The following SCFD2 variants were observed in gnomAD, a reference collection of about 807,000 sequenced individuals.
The protein encoded by SCFD2 is sec1 family domain-containing protein 2.
SCFD2 carries 54 observed loss-of-function variants against 58.9 expected under a neutral mutation model. That is an observed-to-expected ratio of 0.92 (90% CI 0.74 to 1.15). SCFD2 has a LOEUF of 1.15. Among genes scored for constraint, SCFD2 ranks in the 50% most tolerant of loss-of-function variants. SCFD2 has a pLI of 0.00. For missense variants in SCFD2, 805 were observed against 836.6 expected (o/e 0.96, Z 0.47); for synonymous variants, 321 against 335.9 (o/e 0.96, Z 0.49).
At chr4:53,262,773 G>A (rs1730866367) in intron 4 of SCFD2, among the ~76,000 whole-genome samples, 1 of 152,142 alleles carries the variant, frequency 6.6e-6, no homozygotes, top group Non-Finnish European at 1.5e-5. Flanking sequence ...TGTTCTTTGA[G>A]CTTCTGGTAT....
chr4:53,146,533 C>T (rs1455557390), intron 4 of SCFD2, among the ~76,000 whole-genome samples: 1 of 152,152 alleles, frequency 6.6e-6, no homozygotes, highest in Non-Finnish European at 1.5e-5. Flanking sequence ...TCATTGAGCA[C>T]CTACTATGTT....
chr4:53,304,157 T>C (rs996950451), intron 3 of SCFD2, among the ~76,000 whole-genome samples: 2 of 151,934 alleles, frequency 1.3e-5, no homozygotes, highest in East Asian at 3.9e-4. Flanking sequence ...TATTGGCCCC[T>C]ACTCTCTTCT....
chr4:53,262,945 T>C (rs1287984179), intron 4 of SCFD2, among the ~76,000 whole-genome samples: 6 of 152,168 alleles, frequency 3.9e-5, no homozygotes, highest in Admixed American at 6.5e-5. Context: ...TTTGTTCATT[T>C]TTTAAAATTA....
intron 5 of SCFD2, among the ~76,000 whole-genome samples, chr4:52,961,437 C>T (rs1422676422): frequency 6.6e-6 from 1 of 152,206 alleles, no homozygotes; most frequent in Non-Finnish European, 1.5e-5. Flanking sequence ...AGACCTATCC[C>T]TGGCCTTTTA....
At chr4:53,109,616 A>T (rs1363845561) in intron 5 of SCFD2, among the ~76,000 whole-genome samples, 1 of 152,206 alleles carries the variant, frequency 6.6e-6, no homozygotes, top group East Asian at 1.9e-4. Flanking sequence ...ACTCCCATTC[A>T]CAATTGCTAC....
intron 2 of SCFD2, among the ~76,000 whole-genome samples, chr4:53,321,408 C>T (rs1488312922): frequency 6.6e-6 from 1 of 151,924 alleles, no homozygotes; most frequent in Non-Finnish European, 1.5e-5. Context: ...ATACTTCAAT[C>T]AAGTAGAAGG....
chr4:52,958,608 A>G (rs925526766), intron 5 of SCFD2, among the ~76,000 whole-genome samples: 3 of 152,020 alleles, frequency 2.0e-5, no homozygotes, highest in African/African-American at 4.8e-5. Context: ...CACAGCCACC[A>G]TAGGCACAAG....
intron 2 of SCFD2, among the ~76,000 whole-genome samples, chr4:53,316,728 A>G (rs1732875738): frequency 6.6e-6 from 1 of 152,170 alleles, no homozygotes; most frequent in African/African-American, 2.4e-5. Flanking sequence ...TGTCTATTAA[A>G]ATATTTTAGA....
intron 5 of SCFD2, among the ~76,000 whole-genome samples, chr4:53,028,429 C>A (rs1189670588): frequency 1.3e-5 from 2 of 152,042 alleles, no homozygotes; most frequent in African/African-American, 4.8e-5. Flanking sequence ...TAGGCTAATT[C>A]TTTGTGAATC....
At chr4:53,130,707 T>C (rs1473678056) in intron 5 of SCFD2, among the ~76,000 whole-genome samples, 1 of 152,140 alleles carries the variant, frequency 6.6e-6, no homozygotes, top group Non-Finnish European at 1.5e-5. Context: ...CTACAACCTC[T>C]GGAAGAAAAA....
intron 5 of SCFD2, among the ~76,000 whole-genome samples, chr4:53,037,315 A>G (rs1722789208): frequency 6.6e-6 from 1 of 152,168 alleles, no homozygotes; most frequent in Admixed American, 6.6e-5. Context: ...TAGGAATTAT[A>G]TAGGAAAAAT....
At chr4:53,037,264 A>G (rs1156403224) in intron 5 of SCFD2, among the ~76,000 whole-genome samples, 1 of 152,164 alleles carries the variant, frequency 6.6e-6, no homozygotes, top group Non-Finnish European at 1.5e-5. Flanking sequence ...AAGTTTAGGC[A>G]TATGGTGATT....
In SCFD2 at chr4:52,986,490, A is replaced by ATT. The variant is rs1721496907; in HGVS notation, c.1562-65621_1562-65620insAA. On this transcript the variant is annotated intron_variant, in intron 5 of 8. Coordinates refer to ENST00000401642, the MANE Select transcript of SCFD2 (RefSeq NM_152540.4). Reference sequence around the variant, plus strand: ...CATCTCAAGCTTAGGATCTTCATGAAATTTTTTTTTTTTTTTTTTTTTTTT... The same window carrying ATT: ...CATCTCAAGCTTAGGATCTTCATGAATTATTTTTTTTTTTTTTTTTTTTTTTT... 3.8e-4 allele frequency among the ~76,000 whole-genome samples: 49 copies of ATT among 128,916 alleles called. 1 individual carries two copies. The highest frequency in any genetic ancestry group is 3.8e-3 in the Middle Eastern group (1 of 264). The allele number at this position is 128,916 out of a possible 152,430, so 84.6% of individuals were successfully genotyped here. A position where few individuals can be genotyped will look rare whatever the true frequency, so the allele number is the denominator to read the frequency against.
At chr4:52,879,933 G>A (rs1718567980) in intron 8 of SCFD2, among the ~76,000 whole-genome samples, 1 of 152,084 alleles carries the variant, frequency 6.6e-6, no homozygotes, top group Non-Finnish European at 1.5e-5. Flanking sequence ...ATATGCACAG[G>A]CACCAACATG....
intron 6 of SCFD2, among the ~76,000 whole-genome samples, chr4:52,918,616 T>A (rs1353114073): frequency 6.6e-6 from 1 of 152,128 alleles, no homozygotes; most frequent in Non-Finnish European, 1.5e-5. Context: ...ATCCTACCCA[T>A]CCACCATAAG....
chr4:53,276,163 T>C (rs935429786), intron 3 of SCFD2, among the ~76,000 whole-genome samples: 6 of 151,668 alleles, frequency 4.0e-5, no homozygotes, highest in African/African-American at 1.5e-4. Flanking sequence ...ATCACTCTTA[T>C]CAAACATATC....
At chr4:53,200,438 A>G (rs530656860) in intron 4 of SCFD2, among the ~76,000 whole-genome samples, 2 of 152,268 alleles carry the variant, frequency 1.3e-5, no homozygotes, top group African/African-American at 4.8e-5. Context: ...TTGAACTATT[A>G]AAGTAGATTT....
At chr4:53,188,496 C>A (rs1189881508) in intron 4 of SCFD2, among the ~76,000 whole-genome samples, 3 of 148,236 alleles carry the variant, frequency 2.0e-5, no homozygotes, top group Non-Finnish European at 4.5e-5. Flanking sequence ...AATAAATCTA[C>A]GAAAGGGCCA....
intron 2 of SCFD2, among the ~76,000 whole-genome samples, chr4:53,334,314 T>C (rs1415276759): frequency 6.6e-6 from 1 of 152,154 alleles, no homozygotes; most frequent in Non-Finnish European, 1.5e-5. Context: ...ATGTTTATTG[T>C]GGCATTATTC....
Sources: allele counts gnomAD v4.1 joint callset (sites outside exome capture counted in the v4.1 genomes callset), GRCh38; gene constraint gnomAD v4.1.1; transcripts MANE v1.5; gene names NCBI Gene and HGNC (gene_info 2026-07-23, HGNC 2026-07-21).